FUT8: variants seen among roughly 807,000 people sequenced by gnomAD.
The protein encoded by FUT8 is fucosyltransferase 8.
FUT8 carries 29 observed loss-of-function variants against 71.3 expected under a neutral mutation model. That is an observed-to-expected ratio of 0.41 (90% CI 0.30 to 0.55). The LOEUF is 0.55. Ranked by LOEUF, FUT8 falls within the 20% of genes least tolerant of loss-of-function variation. The pLI, the probability that FUT8 is intolerant of heterozygous loss-of-function variation, is 0.34. For missense variants in FUT8, 544 were observed against 702.1 expected (o/e 0.77, Z 2.55); for synonymous variants, 254 against 239.3 (o/e 1.06, Z -0.57).
chr14:65,382,587 G>A, the FUT8 span, among the ~76,000 whole-genome samples: 3 of 152,206 alleles, frequency 2.0e-5, no homozygotes, highest in Admixed American at 1.3e-4. Context: ...TGATCTGCCC[G>A]CCTGGACCTC....
intron 7 of FUT8, among the ~76,000 whole-genome samples, chr14:65,719,304 A>C (rs1397400670): frequency 6.6e-6 from 1 of 151,866 alleles, no homozygotes; most frequent in Admixed American, 6.6e-5. Flanking sequence ...ATTCCTTTTA[A>C]TTGTTTCAAC....
At chr14:65,674,195 A>G (rs1381365841) in intron 7 of FUT8, among the ~76,000 whole-genome samples, 2 of 152,226 alleles carry the variant, frequency 1.3e-5, no homozygotes, top group Non-Finnish European at 2.9e-5. Context: ...TAATTGTATT[A>G]ATAGAAACTT....
At chr14:65,394,026 G>A in the FUT8 span, among the ~76,000 whole-genome samples, 14 of 152,120 alleles carry the variant, frequency 9.2e-5, no homozygotes, top group East Asian at 2.5e-3. Context: ...GCGCAATCTT[G>A]GATAACCAAA....
chr14:65,671,551 C>G (rs920762709), intron 7 of FUT8, among the ~76,000 whole-genome samples: 22 of 152,236 alleles, frequency 1.4e-4, no homozygotes, highest in Middle Eastern at 3.4e-3. Context: ...AGTCTAAGTC[C>G]TTATCAGTAA....
intron 3 of FUT8, among the ~76,000 whole-genome samples, chr14:65,577,323 A>G (rs996741703): frequency 2.0e-5 from 3 of 152,162 alleles, no homozygotes; most frequent in Non-Finnish European, 2.9e-5. Context: ...GAAAGGAACA[A>G]TCTAGTGAAA....
chr14:65,666,567 G>A (rs1340154931), intron 6 of FUT8, among the ~76,000 whole-genome samples: 1 of 151,970 alleles, frequency 6.6e-6, no homozygotes, highest in African/African-American at 2.4e-5. Flanking sequence ...AAAGTCCCAG[G>A]ACCAGATAGC....
Position 65,413,752 on chromosome 14 carries a change from G to A in FUT8, c.-326+538G>A, listed in dbSNP as rs2065177638. On this transcript the variant is annotated intron_variant, in intron 1 of 10. Coordinates refer to ENST00000673929, the MANE Select transcript of FUT8 (RefSeq NM_001371533.1). This position sits in a 1 kb window ranked among gnomAD's most constrained non-coding sequence, Gnocchi z 4.1. ...ATGCAGGGCAGTTAAAGGCTTGAGT[G>A]CAGCTGTACTCCCTTTTGATGTGCA... is the stretch of plus-strand genomic sequence containing the variant. 6.6e-6 allele frequency among the ~76,000 whole-genome samples: 1 copy of A among 152,210 alleles called. No homozygotes were observed. The highest frequency in any genetic ancestry group is 2.1e-4 in the South Asian group (1 of 4,824).
chr14:65,441,893 C>T (rs1033254222), intron 1 of FUT8, among the ~76,000 whole-genome samples: 12 of 151,114 alleles, frequency 7.9e-5, no homozygotes, highest in Non-Finnish European at 2.9e-5. Flanking sequence ...TGGTGTGCTA[C>T]ACTCATTAAC....
At chr14:65,394,747 A>AAT in the FUT8 span, among the ~76,000 whole-genome samples, 1 of 128,294 alleles carries the variant, frequency 7.8e-6, no homozygotes, top group South Asian at 2.7e-4. Flanking sequence ...AGGGCAGTCA[A>AAT]ATCTTTTTTT....
At chr14:65,524,346 G>A (rs981612949) in intron 2 of FUT8, among the ~76,000 whole-genome samples, 1 of 152,144 alleles carries the variant, frequency 6.6e-6, no homozygotes, top group African/African-American at 2.4e-5. Flanking sequence ...TTGTGAATGG[G>A]AGTTCACCCA....
chr14:65,689,603 A>G (rs1464849794), intron 7 of FUT8, among the ~76,000 whole-genome samples: 1 of 152,074 alleles, frequency 6.6e-6, no homozygotes, highest in Admixed American at 6.5e-5. Context: ...CAGTGGTGCA[A>G]TCTCAGCTCA....
intron 2 of FUT8, among the ~76,000 whole-genome samples, chr14:65,532,392 A>G (rs374439160): frequency 4.1e-4 from 63 of 152,248 alleles, no homozygotes; most frequent in Admixed American, 8.5e-4. Flanking sequence ...GTGTTGATCA[A>G]TGTTGGGCTT....
At chr14:65,414,496 A>G (rs1047090635) in intron 1 of FUT8, among the ~76,000 whole-genome samples, 1 of 152,222 alleles carries the variant, frequency 6.6e-6, no homozygotes. Context: ...TTAAAACCCT[A>G]TGCCAAATAA....
intron 2 of FUT8, chr14:65,471,275 C>T (rs1220914423): frequency 1.2e-5 from 2 of 164,184 alleles, no homozygotes; most frequent in Non-Finnish European, 1.4e-5. Flanking sequence ...CCCTTCCCTC[C>T]GGTTGGTTAG....
Position 65,677,151 on chromosome 14 carries a change from T to TGTGCGCGCGCGCGC in FUT8, c.835+7672_835+7673insTGCGCGCGCGCGCG. 1.8e-4 allele frequency among the ~76,000 whole-genome samples: 20 copies of TGTGCGCGCGCGCGC among 110,698 alleles called. 1 individual carries two copies. The highest frequency in any genetic ancestry group is 1.7e-3 in the Admixed American group (19 of 10,902). The allele number at this position is 110,698 out of a possible 152,430, so 72.6% of individuals were successfully genotyped here. ...GTGTGTGTGTGTGTGTGTGTGTGTG[T>TGTGCGCGCGCGCGC]GCGCGCGCGCATGCGCGCGCACGTA... is the stretch of plus-strand genomic sequence containing the variant. On this transcript the variant is annotated intron_variant, in intron 7 of 10. Coordinates refer to ENST00000673929, the MANE Select transcript of FUT8 (RefSeq NM_001371533.1).
In FUT8 at chr14:65,692,417, CA is replaced by C. The variant is rs1400894034; in HGVS notation, c.835+22938del. Among the ~76,000 whole-genome samples, 152 of 133,062 alleles carry C rather than the reference CA, an allele frequency of 1.1e-3. 1 individual carries two copies. The East Asian group carries it at 0.022, about 19-fold the overall frequency. The allele number at this position is 133,062 out of a possible 152,430, so 87.3% of individuals were successfully genotyped here. Reference sequence around the variant, plus strand: ...TGGCCGGGCGGGGGGCTGACCCCCCCACCTCCCTCCCGGACGGGGCGGCTGG... The same window carrying C: ...TGGCCGGGCGGGGGGCTGACCCCCCCCCTCCCTCCCGGACGGGGCGGCTGG... On this transcript the variant is annotated intron_variant, in intron 7 of 10. Coordinates refer to ENST00000673929, the MANE Select transcript of FUT8 (RefSeq NM_001371533.1).
intron 5 of FUT8, among the ~76,000 whole-genome samples, chr14:65,617,882 TGTG>T (rs1410980461): frequency 1.3e-5 from 2 of 151,664 alleles, no homozygotes; most frequent in Non-Finnish European, 2.9e-5. Flanking sequence ...AGGCAGAGGT[TGTG>T]GTGAGCAGAG....
chr14:65,363,968 A>G, the FUT8 span, among the ~76,000 whole-genome samples: 1 of 152,222 alleles, frequency 6.6e-6, no homozygotes, highest in African/African-American at 2.4e-5. Context: ...TCCCTCCCCT[A>G]CAGTGGGGTC....
intron 3 of FUT8, among the ~76,000 whole-genome samples, chr14:65,594,432 G>A (rs74926673): frequency 6.2e-4 from 95 of 152,308 alleles, no homozygotes; most frequent in African/African-American, 2.2e-3. Flanking sequence ...GCCCCAGGGG[G>A]TATGTTGCAA....
Sources: allele counts gnomAD v4.1 joint callset (sites outside exome capture counted in the v4.1 genomes callset), GRCh38; gene constraint gnomAD v4.1.1; non-coding constraint Gnocchi (gnomAD v3.1); transcripts MANE v1.5; gene names NCBI Gene and HGNC (gene_info 2026-07-23, HGNC 2026-07-21).